Variants in BMP6 observed in about 807,000 individuals in gnomAD.
BMP6 encodes VG-1-R.
In BMP6, 17 loss-of-function variants were observed where a neutral mutation model predicts 54.1. The ratio of observed to expected loss-of-function variants is 0.31; its 90% confidence interval spans 0.22 to 0.47. The LOEUF (loss-of-function observed/expected upper bound fraction) is 0.47, where lower values mean the gene tolerates loss of function less well. BMP6 is among the 20% of genes least tolerant of loss of function. The pLI is 1.00. For synonymous variants in BMP6, 328 were observed against 291.2 expected, an observed-to-expected ratio of 1.13 and a Z score of -1.28; for missense variants, 720 against 690.4, an observed-to-expected ratio of 1.04 and a Z score of -0.48.
chr6:7,880,720 A>T lies in BMP6; in HGVS notation c.*377A>T, dbSNP rs1322020483. The T allele has an allele frequency of 3.5e-6, 1 of 286,678 alleles. No homozygotes were observed. Among genetic ancestry groups the T allele is most frequent in the African/African-American group, 2.2e-5 (1 of 46,142 alleles). 17.8% of individuals were successfully genotyped at this position (286,678 alleles called of 1,614,324 possible). On this transcript the variant is annotated 3_prime_UTR_variant, in exon 7 of 7. Coordinates refer to ENST00000283147, the MANE Select transcript of BMP6 (RefSeq NM_001718.6). Reference sequence around the variant, plus strand: ...AGGGAAAATAATCTCAAAGGAGTTAAATGTATTCTTGGCTAAAGGATCAGC... The same window carrying T: ...AGGGAAAATAATCTCAAAGGAGTTATATGTATTCTTGGCTAAAGGATCAGC...
At chr6:7,775,313 G>A (rs140211774) in intron 1 of BMP6, among the ~76,000 whole-genome samples, 2 of 152,240 alleles carry the variant, frequency 1.3e-5, no homozygotes, top group East Asian at 3.9e-4. Flanking sequence ...TCTCTCCTTT[G>A]CTCCAAGGAT....
intron 1 of BMP6, among the ~76,000 whole-genome samples, chr6:7,763,792 G>T (rs921625634): frequency 6.6e-6 from 1 of 152,164 alleles, no homozygotes; most frequent in African/African-American, 2.4e-5. Flanking sequence ...AAAATCTATA[G>T]AATGTGGAGC....
In BMP6 at chr6:7,845,328, C is replaced by T. The variant is rs1229406854; in HGVS notation, c.853C>T (p.His285Tyr). The change falls in exon 2 of 7, where the codon CAC becomes TAC. Residue 285 changes from histidine to tyrosine, a missense_variant. Physicochemically the swap from His to Tyr is moderately conservative, Grantham distance 83. Around this residue, in one of 3 missense-constraint regions of BMP6, gnomAD observed 650 missense variants for 556.3 expected, o/e 1.17. Coordinates refer to ENST00000283147, the MANE Select transcript of BMP6 (RefSeq NM_001718.6). ...TTATCAAGTCTTACAGGAGCATCAG[C>T]ACAGGTATGAAGGCTCGAGAAAGCC... ...SIYQVLQEHQHRDSDLFLLDT... is the reference protein window; with the variant it reads ...SIYQVLQEHQYRDSDLFLLDT... 1 of 1,613,388 alleles carries T rather than the reference C, an allele frequency of 6.2e-7. No homozygotes were observed. The highest frequency in any genetic ancestry group is 2.2e-5 in the East Asian group (1 of 44,856).
At chr6:7,777,191 T>C (rs1757874374) in intron 1 of BMP6, among the ~76,000 whole-genome samples, 1 of 152,192 alleles carries the variant, frequency 6.6e-6, no homozygotes. Context: ...CTTCTGGATC[T>C]GTGCATGTGG....
chr6:7,875,970 C>G (rs1431571145), intron 4 of BMP6, among the ~76,000 whole-genome samples: 1 of 152,178 alleles, frequency 6.6e-6, no homozygotes. Flanking sequence ...AGGTTATACA[C>G]TGCAGGGTGG....
At chr6:7,816,361 A>G (rs986783592) in intron 1 of BMP6, among the ~76,000 whole-genome samples, 4 of 152,200 alleles carry the variant, frequency 2.6e-5, no homozygotes, top group Non-Finnish European at 5.9e-5. Flanking sequence ...TTTAAAGGTA[A>G]GCAGCTTGGG....
intron 1 of BMP6, among the ~76,000 whole-genome samples, chr6:7,770,103 C>T (rs1047691055): frequency 3.3e-5 from 5 of 151,910 alleles, no homozygotes; most frequent in African/African-American, 9.7e-5. Flanking sequence ...TTTGATATCA[C>T]GGTTATATAA....
At chr6:7,823,725 G>A (rs1345263766) in intron 1 of BMP6, among the ~76,000 whole-genome samples, 2 of 152,178 alleles carry the variant, frequency 1.3e-5, no homozygotes, top group East Asian at 3.9e-4. Flanking sequence ...CATCTGCACT[G>A]AGGAAATAGC....
intron 1 of BMP6, among the ~76,000 whole-genome samples, chr6:7,831,529 T>C (rs1213637626): frequency 2.0e-5 from 3 of 152,180 alleles, no homozygotes; most frequent in Non-Finnish European, 4.4e-5. Context: ...GAATTAAGGA[T>C]GCAATTTAGA....
intron 1 of BMP6, among the ~76,000 whole-genome samples, chr6:7,760,682 G>A (rs978287761): frequency 1.3e-5 from 2 of 152,226 alleles, no homozygotes; most frequent in East Asian, 1.9e-4. Context: ...TAGCCAGGCT[G>A]GTCTCAAACT....
intron 1 of BMP6, among the ~76,000 whole-genome samples, chr6:7,805,807 A>G (rs1758339062): frequency 6.6e-6 from 1 of 152,258 alleles, no homozygotes; most frequent in Non-Finnish European, 1.5e-5. Flanking sequence ...ATACTCTAGC[A>G]CAGAAATCAA....
intron 1 of BMP6, among the ~76,000 whole-genome samples, chr6:7,786,490 T>C (rs1298591481): frequency 1.4e-5 from 2 of 144,336 alleles, no homozygotes; most frequent in Non-Finnish European, 3.0e-5. Flanking sequence ...TTAAATAAAA[T>C]CCCTCTGGAA....
chr6:7,843,268 TA>T (rs58011920), intron 1 of BMP6, among the ~76,000 whole-genome samples: 225 of 140,332 alleles, frequency 1.6e-3, no homozygotes, highest in Middle Eastern at 3.6e-3. Flanking sequence ...ACCCTCAAAA[TA>T]AAAAAAAAAA....
intron 1 of BMP6, among the ~76,000 whole-genome samples, chr6:7,763,188 G>C (rs556919158): frequency 6.6e-6 from 1 of 152,310 alleles, no homozygotes; most frequent in East Asian, 1.9e-4. Context: ...AAGTTCTCCC[G>C]TGTTTTCAGC....
At chr6:7,788,559 T>A (rs1381395332) in intron 1 of BMP6, among the ~76,000 whole-genome samples, 2 of 152,188 alleles carry the variant, frequency 1.3e-5, no homozygotes, top group African/African-American at 4.8e-5. Flanking sequence ...GGGTGTAATA[T>A]CCTATGAATT....
chr6:7,732,114 T>G (rs1761871164), intron 1 of BMP6, among the ~76,000 whole-genome samples: 1 of 152,200 alleles, frequency 6.6e-6, no homozygotes. Flanking sequence ...GCGCTATCTC[T>G]TTCTCCTAAA....
At chr6:7,741,308 T>C (rs576088508) in intron 1 of BMP6, among the ~76,000 whole-genome samples, 14 of 152,222 alleles carry the variant, frequency 9.2e-5, no homozygotes, top group African/African-American at 3.4e-4. Flanking sequence ...ATTATTATTA[T>C]TTTTGTAGAG....
intron 1 of BMP6, among the ~76,000 whole-genome samples, chr6:7,838,975 C>CTG (rs1758922776): frequency 6.7e-6 from 1 of 149,444 alleles, no homozygotes; most frequent in Non-Finnish European, 1.5e-5. Flanking sequence ...CTGTCCTTAG[C>CTG]TGTAGGGATC....
chr6:7,820,120 T>C (rs9505286), intron 1 of BMP6, among the ~76,000 whole-genome samples: 1,556 of 152,340 alleles, frequency 0.01, 26 homozygotes, highest in African/African-American at 0.035. Context: ...AAATTATTCA[T>C]ACTCCATCAT....
Sources: allele counts gnomAD v4.1 joint callset (sites outside exome capture counted in the v4.1 genomes callset), GRCh38; gene constraint gnomAD v4.1.1; regional missense constraint gnomAD v4.1.1; transcripts MANE v1.5; gene names NCBI Gene and HGNC (gene_info 2026-07-23, HGNC 2026-07-21).